Variants in NBPF26 observed in about 807,000 individuals in gnomAD.
NBPF26 encodes NBPF family member NBPF26.
A neutral mutation model predicts 119.6 loss-of-function variants in NBPF26; 79 were observed. The observed-to-expected ratio is 0.66, with a 90% CI of 0.55 to 0.80. The LOEUF is 0.80. Ranked by LOEUF, NBPF26 falls within the 30% of genes least tolerant of loss-of-function variation. The pLI is 0.00. For synonymous variants in NBPF26, 299 were observed against 457.7 expected (o/e 0.65, Z 4.43); for missense variants, 800 against 1,198.2 (o/e 0.67, Z 4.91).
chr1:120,758,213 G>A (rs1304613620), intron 1 of NBPF26, among the ~76,000 whole-genome samples: 1 of 122,102 alleles, frequency 8.2e-6, no homozygotes. Context: ...GGTAAGCTCT[G>A]ATCTGGAAGG....
intron 1 of NBPF26, 35 bp downstream of exon 1, chr1:120,724,285 C>G: frequency 7.3e-7 from 1 of 1,373,448 alleles, no homozygotes; most frequent in Non-Finnish European, 9.5e-7. Flanking sequence ...GTCCGCGGCG[C>G]CCGGGGCTGC....
At chr1:120,831,751 CTGTGTG>C (rs1315857384) in intron 21 of NBPF26, among the ~76,000 whole-genome samples, 4 of 18,434 alleles carry the variant, frequency 2.2e-4, no homozygotes, top group African/African-American at 5.0e-4. Context: ...CTCTCTCTCT[CTGTGTG>C]TGTGTGTGTG....
At chr1:120,823,109 A>AT (rs1652157057) in intron 16 of NBPF26, among the ~76,000 whole-genome samples, 200 bp from the exon 17 acceptor site, 1 of 115,764 alleles carries the variant, frequency 8.6e-6, no homozygotes, top group Non-Finnish European at 1.7e-5. Flanking sequence ...ACACAGGGGA[A>AT]TTTTGCCCAA....
chr1:120,764,746 G>T, intron 2 of NBPF26, among the ~76,000 whole-genome samples: 1 of 114,146 alleles, frequency 8.8e-6, no homozygotes, highest in Non-Finnish European at 1.7e-5. Context: ...AGAGGAATAT[G>T]TATCCATTCT....
At chr1:120,816,390 C>T in intron 13 of NBPF26, among the ~76,000 whole-genome samples, 2 of 105,548 alleles carry the variant, frequency 1.9e-5, no homozygotes, top group Admixed American at 1.8e-4. Flanking sequence ...CTCCTCAGCT[C>T]CTATCTGTCC....
At chr1:120,805,058 C>T (rs1651647652) in intron 4 of NBPF26, among the ~76,000 whole-genome samples, 1 of 121,514 alleles carries the variant, frequency 8.2e-6, no homozygotes, top group African/African-American at 4.1e-5. Context: ...TGATGTTGTA[C>T]AGACAAGAGA....
rs1651492342 is a variant in NBPF26, at chr1:120,791,392, C to A, written c.416-1769C>A. ...ATTCACAATAGCAAAGAGTTGGAAC[C>A]AGCCCAAATGTCCATCAATGATAGA... On this transcript the variant is annotated intron_variant, in intron 3 of 29. Transcript: ENST00000620612. 2.8e-5 allele frequency among the ~76,000 whole-genome samples: 3 copies of A among 108,420 alleles called. 1 individual carries two copies. Among genetic ancestry groups the A allele is most frequent in the African/African-American group, 1.8e-4 (3 of 16,780 alleles). 71.1% of individuals were successfully genotyped at this position (108,420 alleles called of 152,430 possible).
intron 1 of NBPF26, among the ~76,000 whole-genome samples, chr1:120,761,100 TTTGA>T (rs1263191658): frequency 8.0e-6 from 1 of 124,302 alleles, no homozygotes; most frequent in East Asian, 2.2e-4. Context: ...AGTCACTGAG[TTTGA>T]TTGGTTCACT....
In NBPF26 at chr1:120,767,685, A is replaced by T. The variant is rs1181400036; in HGVS notation, c.155+3976A>T. On this transcript the variant is annotated intron_variant, in intron 2 of 29. Transcript: ENST00000620612. ...TTATTCTTTCCCTTGTCCTACTGGGAGGTGTAAATATGTAATTAAATTTGA... is the reference window on the plus strand; with the variant it reads ...TTATTCTTTCCCTTGTCCTACTGGGTGGTGTAAATATGTAATTAAATTTGA... 5.5e-5 allele frequency among the ~76,000 whole-genome samples: 6 copies of T among 109,458 alleles called. 2 individuals carry two copies. Among genetic ancestry groups the T allele is most frequent in the Admixed American group, 5.4e-4 (6 of 11,196 alleles). The allele number at this position is 109,458 out of a possible 152,430, so 71.8% of individuals were successfully genotyped here.
chr1:120,759,730 G>T lies in NBPF26; in HGVS notation c.74-3898G>T, dbSNP rs1331395568. Among the ~76,000 whole-genome samples, 8 of 112,954 alleles carry T rather than the reference G, an allele frequency of 7.1e-5. 2 individuals carry two copies. The highest frequency in any genetic ancestry group is 3.4e-4 in the Admixed American group (4 of 11,698). 74.1% of individuals were successfully genotyped at this position (112,954 alleles called of 152,430 possible). A position where few individuals can be genotyped will look rare whatever the true frequency, so the allele number is the denominator to read the frequency against. On this transcript the variant is annotated intron_variant, in intron 1 of 29. Coordinates refer to ENST00000620612, the Ensembl canonical transcript of NBPF26. ...AAATTAGAATTGTCAATTTATAGTT[G>T]TATACATTTATAGGGTACAAAGTGA... is the stretch of plus-strand genomic sequence containing the variant.
rs1480170653 is a variant in NBPF26, at chr1:120,770,067, T to G, written c.155+6358T>G. On this transcript the variant is annotated intron_variant, in intron 2 of 29. Transcript: ENST00000620612. ...AAATAAGGAGATCAGTACTACTGAT[T>G]TTTTCTTTTGCCTTATGATCTAGTA... is the stretch of plus-strand genomic sequence containing the variant. 3.5e-5 allele frequency among the ~76,000 whole-genome samples: 4 copies of G among 115,940 alleles called. 2 individuals are homozygous for G. The highest frequency in any genetic ancestry group is 7.3e-5 in the Non-Finnish European group (4 of 54,504). The allele number at this position is 115,940 out of a possible 152,430, so 76.1% of individuals were successfully genotyped here.
rs1651862601 is a variant in NBPF26 at position 120,811,422 on chromosome 1, G to T, written c.1565-464G>T. ...TTAGCTGGCATGTTACTTGGCGCTT[G>T]TAATCCCAGATGCTTGGCAGGCTGA... On this transcript the variant is annotated intron_variant, in intron 9 of 29. Coordinates refer to ENST00000620612, the Ensembl canonical transcript of NBPF26. Among the ~76,000 whole-genome samples, 2 of 103,118 alleles carry T rather than the reference G, an allele frequency of 1.9e-5. 1 individual carries two copies. The highest frequency in any genetic ancestry group is 1.3e-4 in the African/African-American group (2 of 15,074). 67.6% of individuals were successfully genotyped at this position (103,118 alleles called of 152,430 possible). A position where few individuals can be genotyped will look rare whatever the true frequency, so the allele number is the denominator to read the frequency against.
chr1:120,734,383 T>TA (rs1650893206), intron 1 of NBPF26, among the ~76,000 whole-genome samples: 1 of 80,074 alleles, frequency 1.2e-5, no homozygotes, highest in Non-Finnish European at 2.3e-5. Flanking sequence ...GAAGGAAACC[T>TA]ATTTGAAGGA....
rs1192487537 is a variant in NBPF26, at chr1:120,814,749, C to T, written c.1878-80C>T. 3 of 927,852 alleles carry T rather than the reference C, an allele frequency of 3.2e-6. No homozygotes were observed. In the African/African-American group the frequency reaches 7.3e-5, roughly 23 times the overall value. 57.5% of individuals were successfully genotyped at this position (927,852 alleles called of 1,614,324 possible). On this transcript the variant is annotated intron_variant, in intron 11 of 29. Transcript: ENST00000620612. ...TTCGAGGTCTCCTTGAGGACATTGT[C>T]TCAGAAATCTCTGTTGCAATATTTG...
chr1:120,822,008 C>A (rs1652127982), intron 15 of NBPF26, 96 bp from the exon 16 acceptor site: 1 of 1,304,216 alleles, frequency 7.7e-7, no homozygotes, highest in Non-Finnish European at 1.0e-6. Context: ...TCTGTGACCA[C>A]TCCATTCTGT....
intron 10 of NBPF26, among the ~76,000 whole-genome samples, chr1:120,813,350 G>A (rs1317272379): frequency 2.3e-5 from 3 of 127,816 alleles, no homozygotes; most frequent in African/African-American, 7.5e-5. Flanking sequence ...TTCCTTCATG[G>A]CCTAATGGTG....
At chr1:120,841,943 A>C (rs1443921240), downstream of NBPF26, among the ~76,000 whole-genome samples, 5 of 58,914 alleles carry the variant, frequency 8.5e-5, no homozygotes, top group East Asian at 1.7e-3. Flanking sequence ...GCCTGTGTCT[A>C]TTATTATATT....
In NBPF26 at chr1:120,724,696, T is replaced by C. The variant is rs1212900378; in HGVS notation, c.73+446T>C. On this transcript the variant is annotated intron_variant, in intron 1 of 29. Coordinates refer to ENST00000620612, the Ensembl canonical transcript of NBPF26. ...GGCAGGGCCGCCAAGCCAAACGGCC[T>C]GCAGCTTCGCAGCCAGCCTCGCCTT... Among the ~76,000 whole-genome samples the C allele has an allele frequency of 4.0e-3, 502 of 124,748 alleles. 107 individuals carry two copies. The highest frequency in any genetic ancestry group is 6.0e-3 in the Non-Finnish European group (368 of 61,452). 81.8% of individuals were successfully genotyped at this position (124,748 alleles called of 152,430 possible). A position where few individuals can be genotyped will look rare whatever the true frequency, so the allele number is the denominator to read the frequency against.
chr1:120,745,761 A>G (rs1650976036), intron 1 of NBPF26, among the ~76,000 whole-genome samples: 1 of 39,808 alleles, frequency 2.5e-5, no homozygotes, highest in Non-Finnish European at 4.1e-5. Flanking sequence ...GGCTGCCATG[A>G]GCTGAGATCA....
Sources: gnomAD v4.1 joint callset for allele counts (sites outside exome capture counted in the v4.1 genomes callset) on GRCh38, gnomAD v4.1.1 for gene constraint, MANE v1.5 for transcripts, NCBI Gene and HGNC (gene_info 2026-07-23, HGNC 2026-07-21) for gene names.